CES4A: variants seen among roughly 807,000 people sequenced by gnomAD.
CES4A encodes carboxylesterase 4A, also known as carboxylesterase 6.
A neutral mutation model predicts 65.4 loss-of-function variants in CES4A; 48 were observed. The ratio of observed to expected loss-of-function variants is 0.73; its 90% CI spans 0.58 to 0.93. The LOEUF (loss-of-function observed/expected upper bound fraction) is 0.93. Among genes scored for constraint, CES4A ranks in the 40% least tolerant of loss-of-function variants. CES4A has a pLI of 0.00. For missense variants in CES4A, 685 were observed against 728.5 expected (o/e 0.94, Z 0.69); for synonymous variants, 247 against 281.8 (o/e 0.88, Z 1.24).
chr16:66,993,026 A>T (rs1210021738), intron 1 of CES4A, among the ~76,000 whole-genome samples: 1 of 152,154 alleles, frequency 6.6e-6, no homozygotes, highest in African/African-American at 2.4e-5. Context: ...CAAATAGACA[A>T]GGGCACTTCA....
At chr16:67,005,365 C>G (rs770077203) in exon 11 of CES4A, 4 of 1,613,978 alleles carry the variant, frequency 2.5e-6, no homozygotes, top group Non-Finnish European at 3.4e-6. Context: ...TCGTGTATGC[C>G]ACACTGCAGA....
At chr16:66,997,310 T>C (rs1964933639) in intron 2 of CES4A, among the ~76,000 whole-genome samples, 1 of 152,170 alleles carries the variant, frequency 6.6e-6, no homozygotes, top group Non-Finnish European at 1.5e-5. Flanking sequence ...GCATCAGTTG[T>C]TAGAAACTGA....
chr16:66,995,359 C>T (rs1005620537), intron 1 of CES4A, among the ~76,000 whole-genome samples: 3 of 151,576 alleles, frequency 2.0e-5, no homozygotes, highest in Non-Finnish European at 4.4e-5. Flanking sequence ...ATAAACGAAA[C>T]GTTAAAGGAG....
intron 1 of CES4A, among the ~76,000 whole-genome samples, chr16:66,989,289 A>T (rs1392076583): frequency 6.6e-6 from 1 of 152,094 alleles, no homozygotes; most frequent in Non-Finnish European, 1.5e-5. Context: ...AAGTTTACTG[A>T]GGTATAAGAT....
chr16:66,998,210 G>A (rs902209111), intron 2 of CES4A, among the ~76,000 whole-genome samples: 9 of 152,202 alleles, frequency 5.9e-5, no homozygotes, highest in African/African-American at 2.2e-4. Flanking sequence ...GCTTAGGCCT[G>A]GAGAGAAGGA....
At position 67,003,161 on chromosome 16, in the gene CES4A, T is replaced by G. The variant is rs199814134; in HGVS notation, c.782T>G (p.Leu261Arg). Residue 261 changes from leucine to arginine, a missense_variant, in exon 6 of 14, where the codon CTG becomes CGG. Coordinates refer to ENST00000648724, the Ensembl canonical transcript of CES4A. The surrounding 1 kb of genome is among the most constrained non-coding windows in gnomAD (Gnocchi z 4.2). ...AGACTTTTCATCACTAGTAACCCACTGAAAGTGGCCAAGGTGAGTGCCTCT... is the reference window on the plus strand; with the variant it reads ...AGACTTTTCATCACTAGTAACCCACGGAAAGTGGCCAAGGTGAGTGCCTCT... The G allele has an allele frequency of 9.5e-5, 153 of 1,613,950 alleles. No homozygotes were observed. The highest frequency in any genetic ancestry group is 1.3e-4 in the Non-Finnish European group (149 of 1,179,928).
intron 2 of CES4A, among the ~76,000 whole-genome samples, chr16:66,997,713 G>A (rs1041122261): frequency 6.6e-6 from 1 of 152,140 alleles, no homozygotes; most frequent in Non-Finnish European, 1.5e-5. Context: ...GCTCATGCCT[G>A]TAATTCCAGC....
At chr16:66,990,341 C>A (rs922675094) in intron 1 of CES4A, among the ~76,000 whole-genome samples, 5 of 152,142 alleles carry the variant, frequency 3.3e-5, no homozygotes, top group African/African-American at 1.2e-4. Flanking sequence ...GCATGAGCCA[C>A]CATGCCCAAC....
chr16:66,995,826 C>A, exon 2 of CES4A: 1 of 1,613,138 alleles, frequency 6.2e-7, no homozygotes, highest in Non-Finnish European at 8.5e-7. Flanking sequence ...ACCTACCCGC[C>A]TGGGTAAGAG....
At chr16:67,006,662 G>A (rs1249945685) in intron 12 of CES4A, 83 bp from the exon 13 acceptor site, 1 of 1,518,618 alleles carries the variant, frequency 6.6e-7, no homozygotes, top group East Asian at 2.3e-5. Context: ...TTCTGCTCCG[G>A]AAGCAGCAGA....
Position 67,004,822 on chromosome 16 carries a change from G to A in CES4A, c.1110G>A (p.Ala370=), listed in dbSNP as rs115953428. The A allele has an allele frequency of 4.1e-4, 637 of 1,536,102 alleles. 5 individuals are homozygous for A. In the African/African-American group the frequency reaches 7.6e-3, roughly 18 times the overall value. Residue 370 remains alanine, a synonymous_variant, in exon 10 of 14, where the codon GCG becomes GCA. Transcript: ENST00000648724. ...TGAAGTTCCCGCTAAACCGGCAGGC[G>A]ATGAGAAAGGAAACCATCACTAAGA...
chr16:66,999,841 G>C (rs1965141463), intron 2 of CES4A, among the ~76,000 whole-genome samples: 1 of 152,158 alleles, frequency 6.6e-6, no homozygotes, highest in Non-Finnish European at 1.5e-5. Context: ...CACAGAAGAG[G>C]AAGTGACCAG....
intron 11 of CES4A, chr16:67,006,045 G>C (rs572854621): frequency 4.5e-5 from 11 of 246,770 alleles, no homozygotes; most frequent in East Asian, 1.9e-4. Flanking sequence ...AAGGGGGGGG[G>C]GCTGGAAAAT....
chr16:66,992,713 C>T (rs1388258064), intron 1 of CES4A, among the ~76,000 whole-genome samples: 2 of 152,178 alleles, frequency 1.3e-5, no homozygotes, highest in Non-Finnish European at 2.9e-5. Flanking sequence ...TGGAGTCTTG[C>T]TCTGTTGCCC....
At chr16:67,004,836 C>T (rs1357435523) in exon 10 of CES4A, 2 of 1,535,980 alleles carry the variant, frequency 1.3e-6, no homozygotes, top group Non-Finnish European at 1.7e-6. Flanking sequence ...AGAAAGGAAA[C>T]CATCACTAAG....
Position 67,000,553 on chromosome 16 carries a change from T to A in CES4A, c.261-85T>A. 1 of 1,481,580 alleles carries A rather than the reference T, an allele frequency of 6.7e-7. No individual in the cohort carries two copies. Among genetic ancestry groups the A allele is most frequent in the East Asian group, 2.5e-5 (1 of 39,656 alleles). 91.8% of individuals were successfully genotyped at this position (1,481,580 alleles called of 1,614,324 possible). ...CGCACGCGCACAGACGCTGCCTGGA[T>A]TTTGCTTTGGGTTCCGTCTTCTCAC... On this transcript the variant is annotated intron_variant, in intron 2 of 13. Coordinates refer to ENST00000648724, the Ensembl canonical transcript of CES4A. This position sits in a 1 kb window ranked among gnomAD's most constrained non-coding sequence, Gnocchi z 4.2.
rs766181305 is a variant in CES4A, at chr16:67,003,103, C to T, written c.724C>T (p.Arg242Trp). The T allele has an allele frequency of 1.7e-5, 28 of 1,613,998 alleles. No individual in the cohort carries two copies. Among genetic ancestry groups the T allele is most frequent in the East Asian group, 8.9e-5 (4 of 44,894 alleles). Reference sequence around the variant, plus strand: ...ACCCCTAGCCTCGGGTCTCTTCCATCGGGCCATTTCCCAGAGTGGCACCGC... The same window carrying T: ...ACCCCTAGCCTCGGGTCTCTTCCATTGGGCCATTTCCCAGAGTGGCACCGC... The change falls in exon 6 of 14, where the codon CGG becomes TGG. Residue 242 changes from arginine (R) to tryptophan (W), a missense_variant. By Grantham distance (101) the Arg-to-Trp change is moderately radical (BLOSUM62 -3). Transcript: ENST00000648724. The surrounding 1 kb of genome is among the most constrained non-coding windows in gnomAD (Gnocchi z 4.2).
rs986882575 is a variant in CES4A, at chr16:67,003,536, C to T, written c.922C>T (p.Gln308Ter). 1 of 1,613,522 alleles carries T rather than the reference C, an allele frequency of 6.2e-7. No individual in the cohort carries two copies. Among genetic ancestry groups the T allele is most frequent in the Non-Finnish European group, 8.5e-7 (1 of 1,179,448 alleles). The change falls in exon 8 of 14, where the codon CAG becomes TAG. Residue 308 changes from glutamine to a stop codon, truncating the protein, a stop_gained. Transcript: ENST00000648724. LOFTEE classifies it high-confidence loss of function. The surrounding 1 kb of genome is among the most constrained non-coding windows in gnomAD (Gnocchi z 4.2). ...ATAGAGATTCCTCCAACTGAACTTC[C>T]AGAGAGACCCGGAAGAGGTAAACAG...
At chr16:66,999,197 G>A (rs1379677540) in intron 2 of CES4A, among the ~76,000 whole-genome samples, 1 of 152,224 alleles carries the variant, frequency 6.6e-6, no homozygotes, top group Non-Finnish European at 1.5e-5. Flanking sequence ...CTGGGAACAG[G>A]CTAGGCTAGG....
Sources: allele counts gnomAD v4.1 joint callset (sites outside exome capture counted in the v4.1 genomes callset), GRCh38; gene constraint gnomAD v4.1.1; non-coding constraint Gnocchi (gnomAD v3.1); transcripts MANE v1.5; gene names NCBI Gene and HGNC (gene_info 2026-07-23, HGNC 2026-07-21).